The following FGFR2 variants were observed in gnomAD, a reference collection of about 807,000 sequenced individuals.
The protein encoded by FGFR2 is fibroblast growth factor receptor 2.
In FGFR2, 19 loss-of-function variants were observed where a neutral mutation model predicts 95.9. That is an observed-to-expected ratio of 0.20 (90% CI 0.14 to 0.29). FGFR2 has a LOEUF of 0.29. Among genes scored for constraint, FGFR2 ranks in the 10% least tolerant of loss-of-function variants. The pLI is 1.00. For missense variants in FGFR2, 707 were observed against 1,056.9 expected, an observed-to-expected ratio of 0.67 and a Z score of 4.59; for synonymous variants, 392 against 393.3, an observed-to-expected ratio of 1.00 and a Z score of 0.04.
chr10:121,580,425 G>A (rs1297309873), intron 2 of FGFR2, among the ~76,000 whole-genome samples: 4 of 152,316 alleles, frequency 2.6e-5, no homozygotes, highest in Admixed American at 2.0e-4. Flanking sequence ...ATTTGAATGG[G>A]TTTGAACGGT....
chr10:121,506,656 G>A (rs1276349793), intron 9 of FGFR2, among the ~76,000 whole-genome samples: 2 of 152,186 alleles, frequency 1.3e-5, no homozygotes, highest in Admixed American at 1.3e-4. Context: ...TCTCATCAGC[G>A]AGGCTCACAG....
intron 4 of FGFR2, among the ~76,000 whole-genome samples, chr10:121,559,188 G>A (rs1254906090): frequency 6.7e-6 from 1 of 148,668 alleles, no homozygotes. Flanking sequence ...AGCATCATTT[G>A]TCAAAGTTCC....
chr10:121,491,342 C>G (rs1649194), intron 13 of FGFR2, among the ~76,000 whole-genome samples: 148,267 of 152,212 alleles, frequency 0.97, 72,232 homozygotes, highest in East Asian at 1. Context: ...ACAGGAATGT[C>G]AGCCGTTCTC....
At position 121,565,527 on chromosome 10, in the gene FGFR2, C is replaced by T. The variant is rs1277734487; in HGVS notation, c.287G>A (p.Gly96Asp). Reference protein sequence around the residue: ...VLIGEYLQIKGATPRDSGLYA... With the variant: ...VLIGEYLQIKDATPRDSGLYA... ...GAGGCCGGAGTCTCTAGGCGTGGCG[C>T]CCTTTATCTGCAAGTACTCCCCAAT... Residue 96 changes from glycine (G) to aspartate (D), a missense_variant, in exon 3 of 18, where the codon GGC becomes GAC. Gly to Asp is a moderately conservative substitution (Grantham distance 94). Transcript: ENST00000358487. 1.9e-6 allele frequency: 3 copies of T among 1,614,080 alleles called. No individual in the cohort carries two copies. The Admixed American group carries it at 5.0e-5, about 27-fold the overall frequency.
At chr10:121,553,116 T>C (rs946268644) in intron 4 of FGFR2, among the ~76,000 whole-genome samples, 12 of 152,200 alleles carry the variant, frequency 7.9e-5, no homozygotes, top group African/African-American at 2.7e-4. Flanking sequence ...AAGGTAGAGC[T>C]GAGATTTCTT....
intron 2 of FGFR2, among the ~76,000 whole-genome samples, chr10:121,578,924 A>G (rs1301863913): frequency 6.6e-6 from 1 of 152,196 alleles, no homozygotes; most frequent in African/African-American, 2.4e-5. Flanking sequence ...AGGAAAAAAC[A>G]AAAAAAGATT....
chr10:121,578,512 T>A (rs1860297986), intron 2 of FGFR2, among the ~76,000 whole-genome samples: 1 of 152,216 alleles, frequency 6.6e-6, no homozygotes, highest in Non-Finnish European at 1.5e-5. Context: ...CCAAAAGGTG[T>A]ACGGAGAGGG....
intron 5 of FGFR2, 134 bp downstream of exon 5, chr10:121,551,156 G>C: frequency 2.4e-5 from 23 of 966,094 alleles, no homozygotes; most frequent in Non-Finnish European, 3.6e-5. Context: ...GGAGATGGAG[G>C]TTGCAGTGAA....
At chr10:121,597,264 C>T (rs1564761402) in intron 1 of FGFR2, among the ~76,000 whole-genome samples, 1 of 152,202 alleles carries the variant, frequency 6.6e-6, no homozygotes, top group Non-Finnish European at 1.5e-5. Context: ...AAAATGAGCG[C>T]GCAAGTTAGA....
chr10:121,593,430 C>T (rs1431316271), intron 2 of FGFR2, among the ~76,000 whole-genome samples: 2 of 152,114 alleles, frequency 1.3e-5, no homozygotes, highest in Non-Finnish European at 2.9e-5. Flanking sequence ...ACAGCTCTCT[C>T]GGGCACTGGA....
intron 9 of FGFR2, among the ~76,000 whole-genome samples, chr10:121,505,854 A>C (rs372387934): frequency 2.1e-4 from 32 of 152,312 alleles, no homozygotes; most frequent in East Asian, 1.5e-3. Context: ...GAGCGGGTTT[A>C]ACGGCCAATG....
At chr10:121,527,695 T>C (rs1325364075) in intron 6 of FGFR2, 1 of 152,160 alleles carries the variant, frequency 6.6e-6, no homozygotes, top group Non-Finnish European at 1.5e-5. Context: ...CAGCGAGGTA[T>C]ATTGACCTTG....
chr10:121,525,635 G>A (rs575331442), intron 6 of FGFR2, among the ~76,000 whole-genome samples: 2 of 151,714 alleles, frequency 1.3e-5, no homozygotes, highest in African/African-American at 4.9e-5. Context: ...GAGAGAGAGA[G>A]AGAGAGAGAG....
chr10:121,589,493 C>T (rs971169382), intron 2 of FGFR2, among the ~76,000 whole-genome samples: 1 of 151,936 alleles, frequency 6.6e-6, no homozygotes, highest in African/African-American at 2.4e-5. Context: ...GGAATAAAGT[C>T]TTTACTTATG....
chr10:121,556,057 C>G (rs1856079436), intron 4 of FGFR2, among the ~76,000 whole-genome samples: 1 of 152,140 alleles, frequency 6.6e-6, no homozygotes, highest in African/African-American at 2.4e-5. Context: ...CTGGAGGGTA[C>G]AGCTGGAGTT....
At chr10:121,511,788 T>C (rs944495734) in intron 9 of FGFR2, among the ~76,000 whole-genome samples, 2 of 152,164 alleles carry the variant, frequency 1.3e-5, no homozygotes. Flanking sequence ...GCATACAAAG[T>C]CTCAAAAAAT....
At chr10:121,590,014 A>C (rs1403914365) in intron 2 of FGFR2, among the ~76,000 whole-genome samples, 1 of 152,214 alleles carries the variant, frequency 6.6e-6, no homozygotes, top group Admixed American at 6.5e-5. Flanking sequence ...CTTAAACCAT[A>C]CTGGAAAAAT....
At chr10:121,551,714 T>C (rs1459618573) in intron 4 of FGFR2, among the ~76,000 whole-genome samples, 1 of 152,162 alleles carries the variant, frequency 6.6e-6, no homozygotes, top group Non-Finnish European at 1.5e-5. Flanking sequence ...CTTCTCTCTC[T>C]TGTTCTTGAT....
At chr10:121,532,152 G>GA (rs929211594) in intron 6 of FGFR2, among the ~76,000 whole-genome samples, 93 of 152,308 alleles carry the variant, frequency 6.1e-4, no homozygotes, top group African/African-American at 1.9e-3. Flanking sequence ...CAGGAGTATG[G>GA]AAAATCAAAT....
Sources: allele counts gnomAD v4.1 joint callset (sites outside exome capture counted in the v4.1 genomes callset), GRCh38; gene constraint gnomAD v4.1.1; transcripts MANE v1.5; gene names NCBI Gene and HGNC (gene_info 2026-07-23, HGNC 2026-07-21).